The following CYTH3 variants were observed in gnomAD, a reference collection of about 807,000 sequenced individuals.
CYTH3 encodes cytohesin-3.
CYTH3 carries 23 observed loss-of-function variants against 55.1 expected under a neutral mutation model. The observed-to-expected ratio is 0.42, with a 90% CI of 0.30 to 0.59. CYTH3 has a LOEUF of 0.59. CYTH3 is among the 20% of genes least tolerant of loss of function. The pLI is 0.20. For missense variants in CYTH3, 413 were observed against 524.8 expected (o/e 0.79, Z 2.08); for synonymous variants, 249 against 194.9 (o/e 1.28, Z -2.31).
chr7:6,237,447 C>T (rs950192704), intron 1 of CYTH3, among the ~76,000 whole-genome samples: 3 of 152,200 alleles, frequency 2.0e-5, no homozygotes, highest in Admixed American at 6.5e-5. Flanking sequence ...TGGTGGCTCA[C>T]ACCTGTAATC....
At chr7:6,252,254 A>G (rs1175447158) in intron 1 of CYTH3, among the ~76,000 whole-genome samples, 1 of 152,210 alleles carries the variant, frequency 6.6e-6, no homozygotes, top group Non-Finnish European at 1.5e-5. Context: ...CAGCATGAAC[A>G]TGAACAGTAT....
chr7:6,251,750 C>G (rs1008926925), intron 1 of CYTH3, among the ~76,000 whole-genome samples: 2 of 152,112 alleles, frequency 1.3e-5, no homozygotes, highest in Admixed American at 6.5e-5. Context: ...AAATAGAGTA[C>G]AGGACTTCAA....
intron 1 of CYTH3, among the ~76,000 whole-genome samples, chr7:6,190,845 G>A (rs1399871565): frequency 6.6e-6 from 1 of 152,180 alleles, no homozygotes; most frequent in African/African-American, 2.4e-5. Flanking sequence ...AGGAGGCTGA[G>A]GTGGGTGGAT....
rs184707921 is a variant in CYTH3, at chr7:6,197,045, T to G, written c.35-6514A>C. Reference sequence around the variant, plus strand: ...CCCTAAAGATGAGCAGGGTTGGTTGTTAACACAGAGTGAAGACGTACAAAG... The same window carrying G: ...CCCTAAAGATGAGCAGGGTTGGTTGGTAACACAGAGTGAAGACGTACAAAG... On this transcript the variant is annotated intron_variant, in intron 1 of 12. Coordinates refer to ENST00000350796, the MANE Select transcript of CYTH3 (RefSeq NM_004227.4). 8.5e-3 allele frequency among the ~76,000 whole-genome samples: 1,295 copies of G among 152,344 alleles called. 16 individuals are homozygous for G. Among genetic ancestry groups the G allele is most frequent in the African/African-American group, 0.03 (1,229 of 41,576 alleles).
intron 1 of CYTH3, among the ~76,000 whole-genome samples, chr7:6,235,283 C>T (rs1779490330): frequency 6.6e-6 from 1 of 152,100 alleles, no homozygotes; most frequent in Non-Finnish European, 1.5e-5. Flanking sequence ...CAAGAACAGC[C>T]TGGCCAAAGT....
intron 1 of CYTH3, among the ~76,000 whole-genome samples, chr7:6,241,715 A>T (rs966354560): frequency 3.7e-4 from 57 of 152,132 alleles, no homozygotes; most frequent in South Asian, 1.0e-3. Context: ...AGAGCTGTTT[A>T]AAAAAAGTGG....
intron 1 of CYTH3, among the ~76,000 whole-genome samples, chr7:6,237,978 C>G (rs74428361): frequency 1.9e-4 from 29 of 152,248 alleles, no homozygotes; most frequent in African/African-American, 6.7e-4. Flanking sequence ...TGAGATGTTA[C>G]GCAATGAGTA....
chr7:6,186,946 G>A (rs372495983), intron 4 of CYTH3, 104 bp downstream of exon 4: 1 of 1,155,858 alleles, frequency 8.7e-7, no homozygotes, highest in Non-Finnish European at 1.3e-6. Context: ...TCTTTTATGA[G>A]GTGACAGGGC....
intron 1 of CYTH3, among the ~76,000 whole-genome samples, chr7:6,204,768 T>TA (rs754036639): frequency 2.0e-5 from 3 of 152,218 alleles, no homozygotes; most frequent in South Asian, 2.1e-4. Context: ...TCAAAATACT[T>TA]AGAGTGCTCT....
intron 1 of CYTH3, among the ~76,000 whole-genome samples, chr7:6,235,448 G>A (rs999796732): frequency 4.7e-5 from 7 of 150,046 alleles, no homozygotes; most frequent in Admixed American, 4.6e-4. Context: ...ACTCCAACCT[G>A]GGAGACAGAG....
intron 1 of CYTH3, among the ~76,000 whole-genome samples, chr7:6,244,634 ATTT>A (rs1367399120): frequency 6.6e-6 from 1 of 150,584 alleles, no homozygotes; most frequent in Non-Finnish European, 1.5e-5. Context: ...CCAGCTTTTA[ATTT>A]TTTTGTAAAG....
At chr7:6,258,653 A>G (rs181902656) in intron 1 of CYTH3, among the ~76,000 whole-genome samples, 159 of 152,366 alleles carry the variant, frequency 1.0e-3, no homozygotes, top group African/African-American at 3.7e-3. Context: ...AACAATGACG[A>G]CAAGCTACAA....
At chr7:6,192,957 G>C (rs1389335411) in intron 1 of CYTH3, among the ~76,000 whole-genome samples, 3 of 151,654 alleles carry the variant, frequency 2.0e-5, no homozygotes, top group Non-Finnish European at 4.4e-5. Flanking sequence ...GATCACCTGA[G>C]GTCAGGAGTT....
chr7:6,223,116 C>G (rs1254695958), intron 1 of CYTH3, among the ~76,000 whole-genome samples: 1 of 152,204 alleles, frequency 6.6e-6, no homozygotes, highest in Non-Finnish European at 1.5e-5. Context: ...GCCTGGCTGC[C>G]CTTCGTCTGG....
At chr7:6,249,298 T>TA (rs1779902207) in intron 1 of CYTH3, among the ~76,000 whole-genome samples, 1 of 152,196 alleles carries the variant, frequency 6.6e-6, no homozygotes, top group East Asian at 1.9e-4. Context: ...ACAAAAATGT[T>TA]AAAAAGCTTT....
At chr7:6,182,872 C>G (rs1294421085) in intron 4 of CYTH3, among the ~76,000 whole-genome samples, 1 of 152,182 alleles carries the variant, frequency 6.6e-6, no homozygotes, top group Non-Finnish European at 1.5e-5. Context: ...GGTTTCATGT[C>G]TCTTTCATGG....
intron 1 of CYTH3, among the ~76,000 whole-genome samples, chr7:6,260,642 G>A (rs763743372): frequency 1.3e-4 from 20 of 152,030 alleles, no homozygotes; most frequent in African/African-American, 2.7e-4. Flanking sequence ...ATTTTAGGCC[G>A]TCTCTAAGTG....
chr7:6,225,103 A>C (rs1423034567), intron 1 of CYTH3, among the ~76,000 whole-genome samples: 1 of 152,250 alleles, frequency 6.6e-6, no homozygotes, highest in Non-Finnish European at 1.5e-5. Flanking sequence ...TTCTAAAATT[A>C]GATCAGGTGA....
intron 1 of CYTH3, among the ~76,000 whole-genome samples, chr7:6,197,857 C>G (rs934156683): frequency 6.6e-6 from 1 of 152,036 alleles, no homozygotes; most frequent in African/African-American, 2.4e-5. Context: ...TTTGGGAAGC[C>G]AAAGCCAGAA....
Sources: gnomAD v4.1 joint callset for allele counts (sites outside exome capture counted in the v4.1 genomes callset) on GRCh38, gnomAD v4.1.1 for gene constraint, MANE v1.5 for transcripts, NCBI Gene and HGNC (gene_info 2026-07-23, HGNC 2026-07-21) for gene names.